MYO1F: variants seen among roughly 807,000 people sequenced by gnomAD.
MYO1F encodes myosin IF.
In MYO1F, 60 loss-of-function variants were observed where a neutral mutation model predicts 146.6. That is an observed-to-expected ratio of 0.41 (90% CI 0.33 to 0.51). The LOEUF (loss-of-function observed/expected upper bound fraction) is 0.51, where lower values mean the gene tolerates loss of function less well. Among genes scored for constraint, MYO1F ranks in the 20% least tolerant of loss-of-function variants. MYO1F has a pLI of 0.25. For synonymous variants in MYO1F, 602 were observed against 602.1 expected (o/e 1.00, Z 0.00); for missense variants, 1,274 against 1,534.3 (o/e 0.83, Z 2.83).
At chr19:8,575,896 G>A (rs1038170786) in intron 1 of MYO1F, among the ~76,000 whole-genome samples, 25 of 152,174 alleles carry the variant, frequency 1.6e-4, no homozygotes, top group Admixed American at 6.6e-5. Context: ...CCCAGGACCT[G>A]AGCCTCCCTG....
chr19:8,550,251 A>C lies in MYO1F; in HGVS notation c.1010T>G (p.Ile337Ser). The C allele has an allele frequency of 6.2e-7, 1 of 1,614,130 alleles. No homozygotes were observed. The highest frequency in any genetic ancestry group is 8.5e-7 in the Non-Finnish European group (1 of 1,180,036). The stretch of plus-strand genomic sequence containing the variant: ...CTGCTCCACGTTGAGGGTCACATTG[A>C]TGGACTCGCTGCGCCCGCCCCAGCG... ...DSRWGGRSES[I>S]NVTLNVEQAA... is the part of the protein sequence containing the mutation. The change falls in exon 10 of 28, where the codon ATC (isoleucine) becomes AGC (serine). Residue 337 changes from isoleucine (I) to serine (S), a missense_variant. Transcript: ENST00000644032.
intron 19 of MYO1F, 85 bp downstream of exon 19, chr19:8,536,167 G>T: frequency 7.3e-7 from 1 of 1,367,278 alleles, no homozygotes; most frequent in Non-Finnish European, 1.0e-6. Flanking sequence ...GTCTCCCTCT[G>T]TCTCTCTCTC....
At chr19:8,564,199 G>GGT (rs2041959531) in intron 1 of MYO1F, among the ~76,000 whole-genome samples, 1 of 151,960 alleles carries the variant, frequency 6.6e-6, no homozygotes, top group Non-Finnish European at 1.5e-5. Flanking sequence ...TGGCCAACAT[G>GGT]GTGAAACCCC....
chr19:8,521,853 C>A (rs952142168), intron 27 of MYO1F, among the ~76,000 whole-genome samples: 1 of 151,766 alleles, frequency 6.6e-6, no homozygotes, highest in Non-Finnish European at 1.5e-5. Flanking sequence ...TGGGGTCTTG[C>A]TAGGTTGCCC....
intron 10 of MYO1F, 54 bp downstream of exon 10, chr19:8,550,106 A>C: frequency 1.3e-6 from 2 of 1,594,384 alleles, no homozygotes; most frequent in Non-Finnish European, 1.7e-6. Context: ...AGCTTCCATA[A>C]ATGTTTGTGA....
rs761223713 is a variant in MYO1F at position 8,525,563 on chromosome 19, C to G, written c.2771-1G>C. 6.2e-7 allele frequency: 1 copy of G among 1,612,886 alleles called. No individual in the cohort carries two copies. The highest frequency in any genetic ancestry group is 8.5e-7 in the Non-Finnish European group (1 of 1,179,654). ...TTGGCCATTCCCTTCCGCGTAGGCT[C>G]TGAAAGAAGAGTGTCAGGGAGTTGA... is the stretch of plus-strand genomic sequence containing the variant. On this transcript the variant is annotated splice_acceptor_variant, in intron 24 of 27. Transcript: ENST00000644032. LOFTEE classifies it high-confidence loss of function.
At chr19:8,568,660 G>A (rs914424269) in intron 1 of MYO1F, among the ~76,000 whole-genome samples, 2 of 152,042 alleles carry the variant, frequency 1.3e-5, no homozygotes, top group South Asian at 2.1e-4. Context: ...GGTGGCTCAC[G>A]CCTGTAATCC....
At chr19:8,548,158 C>T in intron 11 of MYO1F, 36 bp from the exon 12 acceptor site, 1 of 1,613,578 alleles carries the variant, frequency 6.2e-7, no homozygotes, top group Non-Finnish European at 8.5e-7. Context: ...CCCTCAATGT[C>T]CTGGTGCTGG....
intron 2 of MYO1F, 86 bp downstream of exon 2, chr19:8,555,573 C>T: frequency 3.8e-6 from 6 of 1,586,152 alleles, no homozygotes; most frequent in Non-Finnish European, 5.2e-6. Context: ...CCATTCCTCC[C>T]TCTGCTCCTT....
intron 8 of MYO1F, 152 bp downstream of exon 8, chr19:8,551,588 G>C: frequency 9.0e-7 from 1 of 1,109,894 alleles, no homozygotes; most frequent in Non-Finnish European, 1.3e-6. Context: ...CTGACCTTAA[G>C]TGATCTACCT....
intron 14 of MYO1F, 85 bp downstream of exon 14, chr19:8,544,212 C>T: frequency 7.0e-7 from 1 of 1,435,208 alleles, no homozygotes; most frequent in Non-Finnish European, 9.7e-7. Flanking sequence ...TCTTTCCAGC[C>T]TGGGTGCTGG....
chr19:8,524,118 C>A (rs1185070716), intron 25 of MYO1F, among the ~76,000 whole-genome samples: 165 of 45,992 alleles, frequency 3.6e-3, no homozygotes, highest in South Asian at 6.4e-3. Context: ...GACACCGTCT[C>A]AAAAAAAAAA....
chr19:8,545,098 T>A (rs556000328), intron 13 of MYO1F, among the ~76,000 whole-genome samples: 2 of 149,592 alleles, frequency 1.3e-5, no homozygotes, highest in African/African-American at 5.0e-5. Context: ...TTAAATTTAA[T>A]TTTTTTTGAG....
chr19:8,570,048 A>C (rs1046894530), intron 1 of MYO1F, among the ~76,000 whole-genome samples: 1 of 151,800 alleles, frequency 6.6e-6, no homozygotes, highest in East Asian at 1.9e-4. Flanking sequence ...CTGGGACCAC[A>C]GGTGCATACT....
chr19:8,538,130 T>A (rs114453023), intron 16 of MYO1F, among the ~76,000 whole-genome samples: 4,078 of 150,384 alleles, frequency 0.027, 103 homozygotes, highest in African/African-American at 0.069. Context: ...TCCTTTTTTT[T>A]TATATATATA....
intron 13 of MYO1F, 93 bp downstream of exon 13, chr19:8,545,557 G>A: frequency 1.9e-6 from 2 of 1,031,940 alleles, no homozygotes; most frequent in South Asian, 2.5e-5. Context: ...AGGGCCTGAG[G>A]ATGCCATAAC....
At chr19:8,538,801 G>A (rs989317507) in intron 16 of MYO1F, among the ~76,000 whole-genome samples, 35 of 151,980 alleles carry the variant, frequency 2.3e-4, no homozygotes, top group African/African-American at 8.0e-4. Flanking sequence ...TTGTTGCCCA[G>A]ACTAGATTTG....
chr19:8,541,640 G>C (rs905914617), intron 15 of MYO1F: 2 of 485,848 alleles, frequency 4.1e-6, no homozygotes, highest in African/African-American at 2.0e-5. Context: ...TGTTGCCCAG[G>C]CTGGTCTCAA....
rs1358510220 is a variant in MYO1F at position 8,544,293 on chromosome 19, G to A, written c.1524+4C>T. ...ACAGGGTAGGGTAGGGGCAGGGGGC[G>A]CACCTTGCCAGCGTAGTGGTGGATG... On this transcript the variant is annotated splice_donor_region_variant and intron_variant, in intron 14 of 27. Coordinates refer to ENST00000644032, the MANE Select transcript of MYO1F (RefSeq NM_012335.4). The A allele has an allele frequency of 5.0e-6, 8 of 1,612,746 alleles. No homozygotes were observed. In the East Asian group the frequency reaches 6.7e-5, roughly 13 times the overall value.
Sources: gnomAD v4.1 joint callset for allele counts (sites outside exome capture counted in the v4.1 genomes callset) on GRCh38, gnomAD v4.1.1 for gene constraint, MANE v1.5 for transcripts, NCBI Gene and HGNC (gene_info 2026-07-23, HGNC 2026-07-21) for gene names.